SPIC: variants seen among roughly 807,000 people sequenced by gnomAD.
SPIC encodes transcription factor Spi-C.
In SPIC, 9 loss-of-function variants were observed where a neutral mutation model predicts 16.7. The observed-to-expected ratio is 0.54, with a 90% confidence interval of 0.33 to 0.94. SPIC has a LOEUF of 0.94. SPIC is among the 40% of genes least tolerant of loss of function. The pLI is 0.03. For synonymous variants in SPIC, 97 were observed against 102.9 expected, an observed-to-expected ratio of 0.94 and a Z score of 0.35; for missense variants, 241 against 285.8, an observed-to-expected ratio of 0.84 and a Z score of 1.13.
At chr12:101,483,051 A>T (rs1313098098) in intron 5 of SPIC, 151 bp downstream of exon 5, 1 of 621,416 alleles carries the variant, frequency 1.6e-6, no homozygotes. Context: ...TTCTTGAAAC[A>T]GTCCAAGCCA....
intron 4 of SPIC, 27 bp downstream of exon 4, chr12:101,479,721 C>G (rs1565831545): frequency 6.5e-7 from 1 of 1,526,936 alleles, no homozygotes; most frequent in East Asian, 2.3e-5. Flanking sequence ...CCCTTAATAA[C>G]AGGCAAATAT....
At position 101,486,633 on chromosome 12, in the gene SPIC, A is replaced by G; in HGVS notation, c.609A>G (p.Pro203=). ...AGGCCATTCTCCAAAGACTCTCTCCATCCTATTTCCTGGGGAAAGAGATCT... is the reference window on the plus strand; with the variant it reads ...AGGCCATTCTCCAAAGACTCTCTCCGTCCTATTTCCTGGGGAAAGAGATCT... ...FSEAILQRLS[P]SYFLGKEIFY... The change falls in exon 6 of 6, where the codon CCA becomes CCG. Residue 203 remains proline (P), a synonymous_variant. Transcript: ENST00000551346. 6.2e-7 allele frequency: 1 copy of G among 1,613,994 alleles called. No individual in the cohort carries two copies. Among genetic ancestry groups the G allele is most frequent in the Non-Finnish European group, 8.5e-7 (1 of 1,179,884 alleles).
At chr12:101,483,191 C>A (rs777932412) in intron 5 of SPIC, among the ~76,000 whole-genome samples, 1 of 150,978 alleles carries the variant, frequency 6.6e-6, no homozygotes, top group Non-Finnish European at 1.5e-5. Flanking sequence ...CAGGTGTGAG[C>A]CACCACACCC....
chr12:101,482,913 A>G lies in SPIC; in HGVS notation c.319+13A>G. 1 of 1,604,740 alleles carries G rather than the reference A, an allele frequency of 6.2e-7. No individual in the cohort carries two copies. The highest frequency in any genetic ancestry group is 8.5e-7 in the Non-Finnish European group (1 of 1,171,992). On this transcript the variant is annotated intron_variant, in intron 5 of 5. Coordinates refer to ENST00000551346, the MANE Select transcript of SPIC (RefSeq NM_152323.3). Reference sequence around the variant, plus strand: ...AAGGGGGGAAAAGGTACGTTGATCCATCATTCGTTATACAGGTAAAAGAAC... The same window carrying G: ...AAGGGGGGAAAAGGTACGTTGATCCGTCATTCGTTATACAGGTAAAAGAAC...
rs753728817 is a variant in SPIC, at chr12:101,476,924, A to C, written c.3+17A>C. ...TGAAATATGGTAAGCTGACATTTTA[A>C]TATTTTCTTTACTCTGTCCACAGAG... On this transcript the variant is annotated intron_variant, in intron 2 of 5. Transcript: ENST00000551346. 1 of 1,453,900 alleles carries C rather than the reference A, an allele frequency of 6.9e-7. No individual in the cohort carries two copies. The highest frequency in any genetic ancestry group is 9.2e-7 in the Non-Finnish European group (1 of 1,092,388). 90.1% of individuals were successfully genotyped at this position (1,453,900 alleles called of 1,614,324 possible).
rs1873124110 is a variant in SPIC, at chr12:101,479,624, T to C, written c.140T>C (p.Val47Ala). ...YLALINHRPH[V>A]KGNSSCYGVL... ...GCTTTAATCAACCATCGTCCTCATG[T>C]CAAAGGAAATTCCAGCTGCTATGGA... Residue 47 changes from valine to alanine, a missense_variant, in exon 4 of 6, where the codon GTC (valine) becomes GCC (alanine). Transcript: ENST00000551346. 6.2e-7 allele frequency: 1 copy of C among 1,613,648 alleles called. No individual in the cohort carries two copies. Among genetic ancestry groups the C allele is most frequent in the African/African-American group, 1.3e-5 (1 of 75,010 alleles).
chr12:101,477,746 G>A (rs895276284), intron 3 of SPIC, 95 bp downstream of exon 3: 7 of 1,116,608 alleles, frequency 6.3e-6, no homozygotes, highest in Admixed American at 5.7e-5. Context: ...ACCAGGTGCT[G>A]TGGCTCACAT....
chr12:101,480,178 C>T (rs2373459), intron 4 of SPIC, among the ~76,000 whole-genome samples: 103,380 of 152,058 alleles, frequency 0.68, 35,520 homozygotes, highest in Middle Eastern at 0.81. Flanking sequence ...TGGATGATCA[C>T]ATGCTGTTAG....
intron 4 of SPIC, 124 bp downstream of exon 4, chr12:101,479,818 CTTT>C (rs35835395): frequency 3.5e-3 from 1,283 of 361,650 alleles, no homozygotes; most frequent in South Asian, 4.9e-3. Context: ...TTTTTTCTTT[CTTT>C]TTTTTTTTTT....
rs1873385376 is a variant in SPIC, at chr12:101,486,933, C to T, written c.*162C>T. On this transcript the variant is annotated 3_prime_UTR_variant, in exon 6 of 6. Coordinates refer to ENST00000551346, the MANE Select transcript of SPIC (RefSeq NM_152323.3). ...AAATTAACTTTATTGTTGCTTTTATCAAAGAGTATGTAATCTATACTAACT... is the reference window on the plus strand; with the variant it reads ...AAATTAACTTTATTGTTGCTTTTATTAAAGAGTATGTAATCTATACTAACT... 1 of 579,402 alleles carries T rather than the reference C, an allele frequency of 1.7e-6. No individual in the cohort carries two copies. The highest frequency in any genetic ancestry group is 1.9e-5 in the African/African-American group (1 of 53,538). 35.9% of individuals were successfully genotyped at this position (579,402 alleles called of 1,614,324 possible).
chr12:101,479,762 C>A, intron 4 of SPIC, 68 bp downstream of exon 4: 1 of 1,197,246 alleles, frequency 8.4e-7, no homozygotes, highest in Non-Finnish European at 1.2e-6. Context: ...ATTTCACATA[C>A]ACTGTCTGAA....
At chr12:101,484,571 A>C (rs188885313) in intron 5 of SPIC, among the ~76,000 whole-genome samples, 88 of 151,254 alleles carry the variant, frequency 5.8e-4, no homozygotes, top group Non-Finnish European at 1.1e-3. Flanking sequence ...AAAGAAAATA[A>C]ATAGATAGAT....
In SPIC at chr12:101,482,914, T is replaced by A; in HGVS notation, c.319+14T>A. 3.7e-6 allele frequency: 6 copies of A among 1,605,270 alleles called. No individual in the cohort carries two copies. Among genetic ancestry groups the A allele is most frequent in the Non-Finnish European group, 5.1e-6 (6 of 1,172,480 alleles). On this transcript the variant is annotated intron_variant, in intron 5 of 5. Transcript: ENST00000551346. ...AGGGGGGAAAAGGTACGTTGATCCA[T>A]CATTCGTTATACAGGTAAAAGAACC... is the stretch of plus-strand genomic sequence containing the variant.
chr12:101,480,453 A>G (rs1873152870), intron 4 of SPIC, among the ~76,000 whole-genome samples: 1 of 152,214 alleles, frequency 6.6e-6, no homozygotes, highest in South Asian at 2.1e-4. Flanking sequence ...ATTCATTGAT[A>G]TTTTATTAAT....
rs2121259482 is a variant in SPIC, at chr12:101,482,787, T to C, written c.211-5T>C. 3 of 1,610,678 alleles carry C rather than the reference T, an allele frequency of 1.9e-6. No homozygotes were observed. The highest frequency in any genetic ancestry group is 8.5e-7 in the Non-Finnish European group (1 of 1,178,760). The stretch of plus-strand genomic sequence containing the variant: ...ACTTAACATCCTGCTTCATTATTTA[T>C]ATAGAACAGTGCTGCGGACTTCTAT... On this transcript the variant is annotated splice_polypyrimidine_tract_variant and splice_region_variant and intron_variant, in intron 4 of 5. Transcript: ENST00000551346.
chr12:101,475,866 T>C lies in SPIC; in HGVS notation c.-78+364T>C, dbSNP rs545608572. Among the ~76,000 whole-genome samples, 80 of 152,242 alleles carry C rather than the reference T, an allele frequency of 5.3e-4. 1 individual carries two copies. The highest frequency in any genetic ancestry group is 9.6e-4 in the Non-Finnish European group (65 of 68,014). On this transcript the variant is annotated intron_variant, in intron 1 of 5. Coordinates refer to ENST00000551346, the MANE Select transcript of SPIC (RefSeq NM_152323.3). Reference sequence around the variant, plus strand: ...CTAAAGACCATGAGCCGAAGAGTGATTTCTGGATTTTCTTCTATTTTCTTT... The same window carrying C: ...CTAAAGACCATGAGCCGAAGAGTGACTTCTGGATTTTCTTCTATTTTCTTT...
intron 4 of SPIC, among the ~76,000 whole-genome samples, chr12:101,480,376 TAC>T (rs1335079569): frequency 6.6e-6 from 1 of 152,232 alleles, no homozygotes. Context: ...TGGTTTTACC[TAC>T]AGTCTTGTAT....
At position 101,477,584 on chromosome 12, in the gene SPIC, T is replaced by G; in HGVS notation, c.30T>G (p.Gly10=). ...CGTGTGTTGAACAAGACAAGCTGGGTCAAGCATTTGAAGATGCTTTTGAGG... is the reference window on the plus strand; with the variant it reads ...CGTGTGTTGAACAAGACAAGCTGGGGCAAGCATTTGAAGATGCTTTTGAGG... MTCVEQDKL[G]QAFEDAFEVL... Residue 10 remains glycine (G), a synonymous_variant, in exon 3 of 6, where the codon GGT becomes GGG. Transcript: ENST00000551346. 1.9e-6 allele frequency: 3 copies of G among 1,614,100 alleles called. No individual in the cohort carries two copies. Among genetic ancestry groups the G allele is most frequent in the Non-Finnish European group, 2.5e-6 (3 of 1,180,018 alleles).
In SPIC at chr12:101,484,674, T is replaced by TA. The variant is rs1316251683; in HGVS notation, c.320-1661dup. 2.0e-5 allele frequency among the ~76,000 whole-genome samples: 3 copies of TA among 150,286 alleles called. No homozygotes were observed. In the East Asian group the frequency reaches 5.8e-4, roughly 29 times the overall value. On this transcript the variant is annotated intron_variant, in intron 5 of 5. Coordinates refer to ENST00000551346, the MANE Select transcript of SPIC (RefSeq NM_152323.3). ...AAAATAATTATAGGCCAGGCATGGTTAAAAAAAAATTATAGGCCAGGCATG... is the reference window on the plus strand; with the variant it reads ...AAAATAATTATAGGCCAGGCATGGTTAAAAAAAAAATTATAGGCCAGGCATG...
Sources: allele counts gnomAD v4.1 joint callset (sites outside exome capture counted in the v4.1 genomes callset), GRCh38; gene constraint gnomAD v4.1.1; transcripts MANE v1.5; gene names NCBI Gene and HGNC (gene_info 2026-07-23, HGNC 2026-07-21).